Variants in SYT2 observed in about 807,000 individuals in gnomAD.
The protein encoded by SYT2 is synaptotagmin 2.
In SYT2, 15 loss-of-function variants were observed where a neutral mutation model predicts 39.9. The ratio of observed to expected loss-of-function variants is 0.38; its 90% confidence interval spans 0.25 to 0.58. SYT2 has a LOEUF of 0.58. Among genes scored for constraint, SYT2 ranks in the 20% least tolerant of loss-of-function variants. SYT2 has a pLI of 0.70. For synonymous variants in SYT2, 181 were observed against 204.5 expected (o/e 0.89, Z 0.98); for missense variants, 389 against 530.3 (o/e 0.73, Z 2.62).
chr1:202,666,049 A>G (rs1692476042), intron 1 of SYT2, among the ~76,000 whole-genome samples: 2 of 147,902 alleles, frequency 1.4e-5, no homozygotes, highest in South Asian at 4.5e-4. Flanking sequence ...GCTACTCGGG[A>G]GGTTGAGGCA....
In SYT2 at chr1:202,599,655, G is replaced by T. The variant is rs1178436327; in HGVS notation, c.920-304C>A. Among the ~76,000 whole-genome samples the T allele has an allele frequency of 2.6e-5, 4 of 152,170 alleles. No individual in the cohort carries two copies. The highest frequency in any genetic ancestry group is 4.4e-5 in the Non-Finnish European group (3 of 68,034). On this transcript the variant is annotated intron_variant, in intron 7 of 8. Coordinates refer to ENST00000367268, the MANE Select transcript of SYT2 (RefSeq NM_177402.5). This position sits in a 1 kb window ranked among gnomAD's most constrained non-coding sequence, Gnocchi z 4.4. ...CATCTGTGATCCTGTACTGGGGAGTGGGTGGGGAGTGCTGAAGTCAGGACA... is the reference window on the plus strand; with the variant it reads ...CATCTGTGATCCTGTACTGGGGAGTTGGTGGGGAGTGCTGAAGTCAGGACA...
intron 1 of SYT2, among the ~76,000 whole-genome samples, chr1:202,624,050 C>T (rs1353830988): frequency 3.9e-5 from 6 of 152,200 alleles, no homozygotes; most frequent in African/African-American, 1.2e-4. Flanking sequence ...CTAGCTCTGC[C>T]GATCACCGCC....
intron 1 of SYT2, among the ~76,000 whole-genome samples, chr1:202,640,132 G>T (rs79829068): frequency 2.0e-5 from 3 of 152,154 alleles, no homozygotes; most frequent in Non-Finnish European, 2.9e-5. Flanking sequence ...AACCATCAGC[G>T]CTCTTACTGA....
chr1:202,682,515 G>A (rs1653552675), intron 1 of SYT2, among the ~76,000 whole-genome samples: 1 of 152,200 alleles, frequency 6.6e-6, no homozygotes, highest in African/African-American at 2.4e-5. Flanking sequence ...AAGAAGAAGT[G>A]TGATTTAATC....
intron 1 of SYT2, among the ~76,000 whole-genome samples, chr1:202,673,299 C>T (rs995388488): frequency 2.0e-5 from 3 of 152,124 alleles, no homozygotes; most frequent in African/African-American, 4.8e-5. Context: ...TCAGCTTCAG[C>T]GTTGGAACAT....
chr1:202,598,553 T>C (rs1263508909), intron 8 of SYT2, among the ~76,000 whole-genome samples: 1 of 135,890 alleles, frequency 7.4e-6, no homozygotes, highest in Non-Finnish European at 1.5e-5. Context: ...ATCAGCTCAC[T>C]ACAAAGAAGG....
intron 1 of SYT2, among the ~76,000 whole-genome samples, chr1:202,609,518 T>C (rs1306803533): frequency 6.6e-6 from 1 of 152,170 alleles, no homozygotes; most frequent in Non-Finnish European, 1.5e-5. Flanking sequence ...AGTGTAAAAG[T>C]GTTCCTATTT....
chr1:202,619,129 G>A (rs974454631), intron 1 of SYT2, among the ~76,000 whole-genome samples: 21 of 152,178 alleles, frequency 1.4e-4, no homozygotes, highest in African/African-American at 5.1e-4. Flanking sequence ...GAGGAATGGC[G>A]GCGAGAACGG....
At chr1:202,699,233 A>T (rs1402149298) in intron 1 of SYT2, among the ~76,000 whole-genome samples, 1 of 151,762 alleles carries the variant, frequency 6.6e-6, no homozygotes, top group Admixed American at 6.6e-5. Context: ...TGTTGCCCAG[A>T]CTGGTCTTGA....
In SYT2 at chr1:202,697,149, T is replaced by C. The variant is rs1653993211; in HGVS notation, c.-18+13109A>G. 2.6e-5 allele frequency among the ~76,000 whole-genome samples: 4 copies of C among 152,326 alleles called. No homozygotes were observed. In the South Asian group the frequency reaches 8.3e-4, roughly 32 times the overall value. On this transcript the variant is annotated intron_variant, in intron 1 of 8. Coordinates refer to ENST00000367268, the MANE Select transcript of SYT2 (RefSeq NM_177402.5). ...GGCAGATGGCAGCTGCCACAGGGTC[T>C]GGAAAGGCAGCAATGGTTGGGGAAG...
intron 1 of SYT2, among the ~76,000 whole-genome samples, chr1:202,637,262 G>T (rs1691763779): frequency 6.6e-6 from 1 of 151,012 alleles, no homozygotes; most frequent in African/African-American, 2.4e-5. Flanking sequence ...GAGGTGGGAG[G>T]ATCACCTGAG....
chr1:202,627,598 C>T, intron 1 of SYT2: 1 of 985,336 alleles, frequency 1.0e-6, no homozygotes, highest in African/African-American at 1.7e-5. Context: ...TCCAGTGCAG[C>T]TCAGGTTCTC....
chr1:202,679,385 T>A (rs1390617942), intron 1 of SYT2, among the ~76,000 whole-genome samples: 1 of 152,156 alleles, frequency 6.6e-6, no homozygotes. Context: ...CAAACTAAAC[T>A]AATTCTTTCC....
chr1:202,606,879 T>C (rs188643056), intron 1 of SYT2, among the ~76,000 whole-genome samples: 203 of 152,302 alleles, frequency 1.3e-3, no homozygotes, highest in Non-Finnish European at 2.1e-3. Context: ...GTTGAGACCA[T>C]ACTATGTATA....
In SYT2 at chr1:202,602,534, G is replaced by T; in HGVS notation, c.477C>A (p.Gly159=). 1 of 1,612,758 alleles carries T rather than the reference G, an allele frequency of 6.2e-7. No homozygotes were observed. Among genetic ancestry groups the T allele is most frequent in the Non-Finnish European group, 8.5e-7 (1 of 1,179,574 alleles). Residue 159 remains glycine (G), a synonymous_variant, in exon 5 of 9, where the codon GGC becomes GGA. Transcript: ENST00000367268. Reference sequence around the variant, plus strand: ...CAGGCAGTTCAGCAGCCTGCAGAACGCCCACAGTAAGCTGTGGAGAGAGAT... The same window carrying T: ...CAGGCAGTTCAGCAGCCTGCAGAACTCCCACAGTAAGCTGTGGAGAGAGAT... The part of the protein sequence containing the change: ...YDFQANQLTV[G]VLQAAELPAL...
intron 1 of SYT2, among the ~76,000 whole-genome samples, chr1:202,624,479 G>T (rs1297350738): frequency 6.6e-6 from 1 of 151,512 alleles, no homozygotes; most frequent in Non-Finnish European, 1.5e-5. Flanking sequence ...GTAGTGAGGT[G>T]TGTGTGGTGT....
chr1:202,631,492 C>G lies in SYT2; in HGVS notation c.-17-25703G>C, dbSNP rs1260890530. Among the ~76,000 whole-genome samples, 4 of 152,206 alleles carry G rather than the reference C, an allele frequency of 2.6e-5. No homozygotes were observed. The East Asian group carries it at 7.7e-4, about 29-fold the overall frequency. On this transcript the variant is annotated intron_variant, in intron 1 of 8. Transcript: ENST00000367268. ...TTCTTGGCTCTTCCCAGCGGCCCCT[C>G]CCCCAAGCAAAGTCCCCTGAGAGGA... is the stretch of plus-strand genomic sequence containing the variant.
intron 1 of SYT2, among the ~76,000 whole-genome samples, chr1:202,695,762 G>A (rs1035905169): frequency 1.3e-5 from 2 of 152,130 alleles, no homozygotes; most frequent in Non-Finnish European, 2.9e-5. Context: ...GTCATCTATC[G>A]CCCCTGCCTC....
intron 1 of SYT2, among the ~76,000 whole-genome samples, chr1:202,703,912 A>G (rs1038521663): frequency 6.6e-6 from 1 of 152,156 alleles, no homozygotes; most frequent in African/African-American, 2.4e-5. Context: ...TAATTGCAAT[A>G]TTTCCTAATT....
Sources: gnomAD v4.1 joint callset for allele counts (sites outside exome capture counted in the v4.1 genomes callset) on GRCh38, gnomAD v4.1.1 for gene constraint, Gnocchi (gnomAD v3.1) non-coding constraint, MANE v1.5 for transcripts, NCBI Gene and HGNC (gene_info 2026-07-23, HGNC 2026-07-21) for gene names.